Variants in COQ10B observed in about 807,000 individuals in gnomAD.
COQ10B encodes the protein coenzyme Q-binding protein COQ10 homolog B, mitochondrial.
In COQ10B, 12 loss-of-function variants were observed where a neutral mutation model predicts 27.6. The observed-to-expected ratio is 0.43, with a 90% CI of 0.28 to 0.70. COQ10B has a LOEUF of 0.70. Ranked by LOEUF, COQ10B falls within the 30% of genes least tolerant of loss-of-function variation. The pLI, the probability that COQ10B is intolerant of heterozygous loss-of-function variation, is 0.17. For synonymous variants in COQ10B, 115 were observed against 103.0 expected (o/e 1.12, Z -0.71); for missense variants, 278 against 288.7 (o/e 0.96, Z 0.27).
At chr2:197,460,669 C>T (rs2085748026) in intron 2 of COQ10B, among the ~76,000 whole-genome samples, 2 of 152,158 alleles carry the variant, frequency 1.3e-5, no homozygotes, top group South Asian at 4.1e-4. Context: ...TACATAGCTT[C>T]CTCATGTATA....
chr2:197,459,878 GCTTC>G, intron 1 of COQ10B, 50 bp from the exon 2 acceptor site: 1 of 1,340,452 alleles, frequency 7.5e-7, no homozygotes, highest in Non-Finnish European at 1.0e-6. Context: ...TATAATTTGT[GCTTC>G]CTTTTAATTT....
intron 4 of COQ10B, 115 bp downstream of exon 4, chr2:197,470,286 T>A (rs545733452): frequency 1.7e-6 from 1 of 603,176 alleles, no homozygotes; most frequent in Non-Finnish European, 3.0e-6. Flanking sequence ...TCTGCATAAA[T>A]GCTAATGAAC....
chr2:197,473,680 C>G, intron 4 of COQ10B, 77 bp from the exon 5 acceptor site: 3 of 1,056,660 alleles, frequency 2.8e-6, no homozygotes, highest in Non-Finnish European at 3.8e-6. Context: ...AGCGAGAGTC[C>G]CTCTCCAGGA....
chr2:197,454,365 G>A (rs948222559), intron 1 of COQ10B: 2 of 364,874 alleles, frequency 5.5e-6, no homozygotes, highest in African/African-American at 4.3e-5. Context: ...ATTAAAGTTA[G>A]TGTGTTTAAA....
chr2:197,459,969 C>T lies in COQ10B; in HGVS notation c.142C>T (p.Leu48Phe), dbSNP rs34946819. The change falls in exon 2 of 5, where the codon CTT becomes TTT. Residue 48 changes from leucine (L) to phenylalanine (F), a missense_variant. This residue lies in a region of COQ10B where 183 missense variants were observed against 158.2 expected (regional missense o/e 1.16). Coordinates refer to ENST00000263960, the MANE Select transcript of COQ10B (RefSeq NM_025147.5). ...CTGTGGTATACTGATGAGCAGAACT[C>T]TTCCACTACATACCTCAATTTTGCC... Reference protein sequence around the residue: ...ASCGILMSRTLPLHTSILPKE... With the variant: ...ASCGILMSRTFPLHTSILPKE... 2 of 1,611,830 alleles carry T rather than the reference C, an allele frequency of 1.2e-6. No homozygotes were observed. The highest frequency in any genetic ancestry group is 1.7e-6 in the Non-Finnish European group (2 of 1,178,566).
intron 3 of COQ10B, among the ~76,000 whole-genome samples, chr2:197,468,997 T>C (rs951333143): frequency 1.3e-5 from 2 of 152,180 alleles, no homozygotes; most frequent in African/African-American, 4.8e-5. Flanking sequence ...TGGCATCTCT[T>C]TCATGGATCT....
Position 197,474,029 on chromosome 2 carries a change from C to T in COQ10B, c.*105C>T. The stretch of plus-strand genomic sequence containing the variant: ...GAAGCCAGAAAGCATTTGTTAAACG[C>T]AGCTTTGGTTATAAACCTGCACCAT... On this transcript the variant is annotated 3_prime_UTR_variant, in exon 5 of 5. Coordinates refer to ENST00000263960, the MANE Select transcript of COQ10B (RefSeq NM_025147.5). 1 of 920,686 alleles carries T rather than the reference C, an allele frequency of 1.1e-6. No homozygotes were observed. Among genetic ancestry groups the T allele is most frequent in the Non-Finnish European group, 1.5e-6 (1 of 658,072 alleles). The allele number at this position is 920,686 out of a possible 1,614,324, so 57.0% of individuals were successfully genotyped here.
chr2:197,465,340 A>C (rs2085813213), intron 3 of COQ10B, among the ~76,000 whole-genome samples: 1 of 147,908 alleles, frequency 6.8e-6, no homozygotes, highest in African/African-American at 2.5e-5. Context: ...CCCAGGCTGC[A>C]GTACAGTAGC....
intron 4 of COQ10B, 150 bp from the exon 5 acceptor site, chr2:197,473,607 G>A (rs2085916236): frequency 2.0e-6 from 1 of 507,844 alleles, no homozygotes; most frequent in Non-Finnish European, 3.4e-6. Context: ...GATTGCTTGA[G>A]TCCAGGAGGT....
At chr2:197,453,859 G>T in intron 1 of COQ10B, 195 bp downstream of exon 1, 2 of 1,264,164 alleles carry the variant, frequency 1.6e-6, no homozygotes, top group Non-Finnish European at 2.2e-6. Flanking sequence ...CCAAGGCTGT[G>T]TTCGTGGCTC....
At chr2:197,464,010 C>T (rs2085795501) in intron 3 of COQ10B, among the ~76,000 whole-genome samples, 1 of 115,228 alleles carries the variant, frequency 8.7e-6, no homozygotes, top group Non-Finnish European at 1.7e-5. Context: ...CACACACACA[C>T]ACACACACAC....
In COQ10B at chr2:197,462,603, T is replaced by C. The variant is rs1266230641; in HGVS notation, c.319T>C (p.Trp107Arg). Residue 107 changes from tryptophan (W) to arginine (R), a missense_variant, in exon 3 of 5, where the codon TGG (tryptophan) becomes CGG (arginine). By Grantham distance (101) the Trp-to-Arg change is moderately radical. Coordinates refer to ENST00000263960, the MANE Select transcript of COQ10B (RefSeq NM_025147.5). ...GGAGGATTACAAGCATTTTGTTCCT[T>C]GGTGCAAAAAATCAGATGTTATATC... Reference protein sequence around the residue: ...GVEDYKHFVPWCKKSDVISKR... With the variant: ...GVEDYKHFVPRCKKSDVISKR... 6.3e-7 allele frequency: 1 copy of C among 1,597,574 alleles called. No homozygotes were observed. Among genetic ancestry groups the C allele is most frequent in the East Asian group, 2.2e-5 (1 of 44,552 alleles).
chr2:197,469,075 C>T (rs2085854917), intron 3 of COQ10B, among the ~76,000 whole-genome samples: 1 of 152,096 alleles, frequency 6.6e-6, no homozygotes, highest in South Asian at 2.1e-4. Flanking sequence ...GGCTCTGTCA[C>T]CCAGGCTGGA....
Position 197,473,868 on chromosome 2 carries a change from G to T in COQ10B, c.661G>T (p.Gly221Cys). The part of the protein sequence containing the change: ...AFERRACKLY[G>C]PETNIPRELM... ...TGAAAGAAGAGCATGTAAGCTGTAT[G>T]GTCCAGAAACAAATATACCTCGGGA... The change falls in exon 5 of 5, where the codon GGT (glycine) becomes TGT (cysteine). Residue 221 changes from glycine (G) to cysteine (C), a missense_variant. Gly to Cys is a radical substitution (Grantham distance 159). Around this residue, in one of 3 missense-constraint regions of COQ10B, gnomAD observed 83 missense variants for 104.5 expected, o/e 0.79. Coordinates refer to ENST00000263960, the MANE Select transcript of COQ10B (RefSeq NM_025147.5). The T allele has an allele frequency of 6.3e-7, 1 of 1,599,522 alleles. No homozygotes were observed. Among genetic ancestry groups the T allele is most frequent in the South Asian group, 1.1e-5 (1 of 88,938 alleles).
intron 1 of COQ10B, among the ~76,000 whole-genome samples, chr2:197,455,964 C>G (rs1013840564): frequency 1.3e-5 from 2 of 151,574 alleles, no homozygotes; most frequent in Non-Finnish European, 1.5e-5. Flanking sequence ...GACTCAAACA[C>G]AACAACAACA....
intron 3 of COQ10B, among the ~76,000 whole-genome samples, chr2:197,463,998 C>A (rs2564387): frequency 1.8e-5 from 1 of 54,702 alleles, no homozygotes; most frequent in South Asian, 8.7e-4. Context: ...TATATATATA[C>A]ACACACACAC....
chr2:197,454,851 TGA>T (rs1270690045), intron 1 of COQ10B, among the ~76,000 whole-genome samples: 1 of 152,144 alleles, frequency 6.6e-6, no homozygotes, highest in Non-Finnish European at 1.5e-5. Flanking sequence ...CTTAAGTATA[TGA>T]GAGAGTGGTA....
intron 3 of COQ10B, among the ~76,000 whole-genome samples, chr2:197,463,455 A>G: frequency 6.6e-6 from 1 of 151,064 alleles, no homozygotes; most frequent in South Asian, 2.1e-4. Flanking sequence ...TGGGCAACAC[A>G]GTGAGACTCT....
chr2:197,469,896 G>C (rs2085861507), intron 3 of COQ10B, among the ~76,000 whole-genome samples, 174 bp from the exon 4 acceptor site: 1 of 151,884 alleles, frequency 6.6e-6, no homozygotes, highest in Non-Finnish European at 1.5e-5. Flanking sequence ...GCTAATATTG[G>C]CAAGACATTA....
Sources: allele counts gnomAD v4.1 joint callset (sites outside exome capture counted in the v4.1 genomes callset), GRCh38; gene constraint gnomAD v4.1.1; regional missense constraint gnomAD v4.1.1; transcripts MANE v1.5; gene names NCBI Gene and HGNC (gene_info 2026-07-23, HGNC 2026-07-21).